The following LRRC7 variants were observed in gnomAD, a reference collection of about 807,000 sequenced individuals.
LRRC7 encodes leucine rich repeat containing 7.
Under a neutral mutation model 175.7 loss-of-function variants are expected in LRRC7, and 23 were observed. The ratio of observed to expected loss-of-function variants is 0.13; its 90% confidence interval spans 0.09 to 0.19. The LOEUF (loss-of-function observed/expected upper bound fraction) is 0.19, where lower values mean the gene tolerates loss of function less well. Ranked by LOEUF, LRRC7 falls within the 10% of genes least tolerant of loss-of-function variation. The pLI is 1.00. For missense variants in LRRC7, 1,354 were observed against 1,904.7 expected, an observed-to-expected ratio of 0.71 and a Z score of 5.38; for synonymous variants, 685 against 680.9, an observed-to-expected ratio of 1.01 and a Z score of -0.09.
At chr1:70,119,699 C>A (rs1341704297) in intron 26 of LRRC7, among the ~76,000 whole-genome samples, 1 of 150,870 alleles carries the variant, frequency 6.6e-6, no homozygotes, top group African/African-American at 2.5e-5. Flanking sequence ...TGATGATGAA[C>A]AACATACCAT....
chr1:69,603,036 C>T (rs957895351), intron 1 of LRRC7, among the ~76,000 whole-genome samples: 6 of 152,146 alleles, frequency 3.9e-5, no homozygotes, highest in Admixed American at 2.0e-4. Context: ...CACATTTCTT[C>T]GACTGTATTC....
chr1:69,635,923 A>G (rs905411320), intron 1 of LRRC7, among the ~76,000 whole-genome samples: 1 of 152,068 alleles, frequency 6.6e-6, no homozygotes, highest in Non-Finnish European at 1.5e-5. Flanking sequence ...AGCAAAACAC[A>G]TATCAATTTT....
chr1:69,690,705 A>G (rs1366857470), intron 2 of LRRC7, among the ~76,000 whole-genome samples: 1 of 152,124 alleles, frequency 6.6e-6, no homozygotes. Flanking sequence ...AGACAGCTGG[A>G]TTTGCCCCAG....
intron 9 of LRRC7, among the ~76,000 whole-genome samples, chr1:69,981,114 T>TAC (rs145800433): frequency 1.0e-3 from 157 of 151,698 alleles, no homozygotes; most frequent in Middle Eastern, 3.4e-3. Context: ...GCCACTTGCA[T>TAC]ACACACACAC....
intron 2 of LRRC7, among the ~76,000 whole-genome samples, chr1:69,712,501 G>A (rs1664877465): frequency 1.3e-5 from 2 of 152,066 alleles, no homozygotes; most frequent in South Asian, 2.1e-4. Context: ...CTATTCAGGA[G>A]GCAGAGGCAG....
chr1:70,076,897 C>A (rs1327102491), intron 24 of LRRC7, among the ~76,000 whole-genome samples: 2 of 152,122 alleles, frequency 1.3e-5, no homozygotes, highest in Non-Finnish European at 2.9e-5. Context: ...TTTGCTTTTC[C>A]ATTGTAGTAT....
chr1:70,106,828 A>G lies in LRRC7; in HGVS notation c.4546-924A>G, dbSNP rs909311416. Among the ~76,000 whole-genome samples, 8 of 152,146 alleles carry G rather than the reference A, an allele frequency of 5.3e-5. No homozygotes were observed. The South Asian group carries it at 1.2e-3, about 24-fold the overall frequency. The stretch of plus-strand genomic sequence containing the variant: ...TTCCTTCTTCCCCTTACCTGTGTGG[A>G]TGACTTTTGTGTGTTCTTTGTTATT... On this transcript the variant is annotated intron_variant, in intron 25 of 26. Coordinates refer to ENST00000651989, the MANE Select transcript of LRRC7 (RefSeq NM_001370785.2).
Position 69,568,635 on chromosome 1 carries a change from C to G in LRRC7, c.-5C>G. ...AAACCTCATGGGCAGTTTCTCCCGCCGGCGATGTGAGTAAGGCACGCTCGC... is the reference window on the plus strand; with the variant it reads ...AAACCTCATGGGCAGTTTCTCCCGCGGGCGATGTGAGTAAGGCACGCTCGC... On this transcript the variant is annotated 5_prime_UTR_variant, in exon 1 of 27. Coordinates refer to ENST00000651989, the MANE Select transcript of LRRC7 (RefSeq NM_001370785.2). 1.5e-6 allele frequency: 2 copies of G among 1,352,036 alleles called. No individual in the cohort carries two copies. Among genetic ancestry groups the G allele is most frequent in the Non-Finnish European group, 2.0e-6 (2 of 1,015,958 alleles). The allele number at this position is 1,352,036 out of a possible 1,614,324, so 83.8% of individuals were successfully genotyped here. A position where few individuals can be genotyped will look rare whatever the true frequency, so the allele number is the denominator to read the frequency against.
intron 8 of LRRC7, among the ~76,000 whole-genome samples, chr1:69,946,390 C>T (rs1354547163): frequency 6.6e-6 from 1 of 152,086 alleles, no homozygotes; most frequent in African/African-American, 2.4e-5. Context: ...GTGGAATATT[C>T]TGTACATGTC....
chr1:69,758,474 G>A (rs1670674198), intron 2 of LRRC7, among the ~76,000 whole-genome samples: 1 of 151,980 alleles, frequency 6.6e-6, no homozygotes, highest in African/African-American at 2.4e-5. Context: ...CTTAAAGCAT[G>A]TTCTACTTGA....
intron 25 of LRRC7, among the ~76,000 whole-genome samples, chr1:70,090,946 G>A (rs922005862): frequency 3.9e-5 from 6 of 151,972 alleles, no homozygotes; most frequent in East Asian, 1.9e-4. Context: ...CTTCCTTTCC[G>A]TTTTGGGGAA....
chr1:69,804,214 G>A (rs1676851896), intron 4 of LRRC7, among the ~76,000 whole-genome samples: 1 of 151,296 alleles, frequency 6.6e-6, no homozygotes, highest in East Asian at 1.9e-4. Flanking sequence ...TTGTGGCCAA[G>A]TATATTGTTA....
At chr1:70,015,602 T>C (rs1165489103) in intron 13 of LRRC7, among the ~76,000 whole-genome samples, 1 of 152,204 alleles carries the variant, frequency 6.6e-6, no homozygotes. Context: ...TGGTAACCCA[T>C]GTGATCACGA....
chr1:69,755,952 T>G (rs1052340747), intron 2 of LRRC7, among the ~76,000 whole-genome samples: 1 of 151,710 alleles, frequency 6.6e-6, no homozygotes, highest in Non-Finnish European at 1.5e-5. Flanking sequence ...TGGACAACCT[T>G]TACCATGAAA....
chr1:69,819,271 T>G (rs1305080899), intron 4 of LRRC7, among the ~76,000 whole-genome samples: 2 of 152,052 alleles, frequency 1.3e-5, no homozygotes, highest in Non-Finnish European at 2.9e-5. Context: ...TATTTTTTTT[T>G]GTATCAAGAT....
chr1:69,911,888 A>G (rs576621830), intron 7 of LRRC7, among the ~76,000 whole-genome samples: 1 of 152,288 alleles, frequency 6.6e-6, no homozygotes, highest in African/African-American at 2.4e-5. Context: ...CTGTAAAAGC[A>G]CGGTTAGACC....
chr1:69,928,650 G>A (rs935219966), intron 7 of LRRC7, among the ~76,000 whole-genome samples: 49 of 152,328 alleles, frequency 3.2e-4, no homozygotes, highest in Non-Finnish European at 5.9e-4. Flanking sequence ...CATTTTTTAA[G>A]CCCATTGGAA....
Position 70,089,785 on chromosome 1 carries a change from G to T in LRRC7, c.4511G>T (p.Ser1504Ile). 1 of 1,610,080 alleles carries T rather than the reference G, an allele frequency of 6.2e-7. No homozygotes were observed. ...GGATTTAGTATCAGTGGTGGAATTA[G>T]TGGACAAGGAAATCCATTCAAACCT... is the stretch of plus-strand genomic sequence containing the variant. ...GLGFSISGGI[S>I]GQGNPFKPSD... The change falls in exon 25 of 27, where the codon AGT (serine) becomes ATT (isoleucine). Residue 1504 changes from serine (S) to isoleucine (I), a missense_variant. This residue lies in a region of LRRC7 where 53 missense variants were observed against 112.6 expected (regional missense o/e 0.47). Coordinates refer to ENST00000651989, the MANE Select transcript of LRRC7 (RefSeq NM_001370785.2).
chr1:69,690,921 T>C (rs1012356008), intron 2 of LRRC7, among the ~76,000 whole-genome samples: 5 of 152,188 alleles, frequency 3.3e-5, no homozygotes, highest in African/African-American at 9.6e-5. Flanking sequence ...ACTCAGCTTC[T>C]TGTGGGGTCT....
Sources: allele counts gnomAD v4.1 joint callset (sites outside exome capture counted in the v4.1 genomes callset), GRCh38; gene constraint gnomAD v4.1.1; regional missense constraint gnomAD v4.1.1; transcripts MANE v1.5; gene names NCBI Gene and HGNC (gene_info 2026-07-23, HGNC 2026-07-21).